The following IL6 variants were observed in gnomAD, a reference collection of about 807,000 sequenced individuals.
The protein encoded by IL6 is interleukin 6, also known as interleukin-6.
Under a neutral mutation model 18.0 loss-of-function variants are expected in IL6, and 5 were observed. That is an observed-to-expected ratio of 0.28 (90% CI 0.15 to 0.58). The LOEUF is 0.58. IL6 is among the 20% of genes least tolerant of loss of function. The probability of loss-of-function intolerance (pLI) is 0.90; values close to 1 mark genes in which losing one functional copy is unlikely to be tolerated. For synonymous variants in IL6, 97 were observed against 95.1 expected (o/e 1.02, Z -0.12); for missense variants, 266 against 251.0 (o/e 1.06, Z -0.40).
At position 22,729,463 on chromosome 7, in the gene IL6, T is replaced by C. The variant is rs773239176; in HGVS notation, c.325-51T>C. 21 of 1,564,172 alleles carry C rather than the reference T, an allele frequency of 1.3e-5. No homozygotes were observed. In the Admixed American group the frequency reaches 3.7e-4, roughly 28 times the overall value. On this transcript the variant is annotated intron_variant, in intron 3 of 4. Coordinates refer to ENST00000258743, the MANE Select transcript of IL6 (RefSeq NM_000600.5). The stretch of plus-strand genomic sequence containing the variant: ...ACTGTGGCAATTTTAACTTTTCAAA[T>C]TGATTCTATCTCCTGGCGATAACCA...
chr7:22,731,063 C>T (rs917618112), intron 4 of IL6, among the ~76,000 whole-genome samples: 3 of 151,872 alleles, frequency 2.0e-5, no homozygotes, highest in African/African-American at 7.3e-5. Flanking sequence ...TGGTAAAACC[C>T]CATCTCTACT....
At chr7:22,731,082 CA>C (rs1246817806) in intron 4 of IL6, among the ~76,000 whole-genome samples, 1 of 151,938 alleles carries the variant, frequency 6.6e-6, no homozygotes, top group Non-Finnish European at 1.5e-5. Context: ...CTTAAAAATA[CA>C]AAAAAGTTAG....
rs1260459397 is a variant in IL6 at position 22,727,475 on chromosome 7, G to A, written c.51G>A (p.Gly17=). The part of the protein sequence containing the change: ...SAFGPVAFSL[G]LLLVLPAAFP... ...TCGGTCCAGTTGCCTTCTCCCTGGGGCTGCTCCTGGTGTTGCCTGCTGCCT... is the reference window on the plus strand; with the variant it reads ...TCGGTCCAGTTGCCTTCTCCCTGGGACTGCTCCTGGTGTTGCCTGCTGCCT... Residue 17 remains glycine (G), a synonymous_variant, in exon 2 of 5, where the codon GGG becomes GGA. Transcript: ENST00000258743. 1 of 1,614,080 alleles carries A rather than the reference G, an allele frequency of 6.2e-7. No homozygotes were observed. Among genetic ancestry groups the A allele is most frequent in the Non-Finnish European group, 8.5e-7 (1 of 1,179,940 alleles).
At position 22,730,080 on chromosome 7, in the gene IL6, C is replaced by G. The variant is rs931715366; in HGVS notation, c.471+420C>G. ...TCTTCTCACTGTGGTTGTTTCAATTCTTTTTCCTACCTTTTACCAGAGAGT... is the reference window on the plus strand; with the variant it reads ...TCTTCTCACTGTGGTTGTTTCAATTGTTTTTCCTACCTTTTACCAGAGAGT... On this transcript the variant is annotated intron_variant, in intron 4 of 4. Coordinates refer to ENST00000258743, the MANE Select transcript of IL6 (RefSeq NM_000600.5). The G allele has an allele frequency of 1.3e-5, 13 of 985,226 alleles. No homozygotes were observed. In the African/African-American group the frequency reaches 2.3e-4, roughly 17 times the overall value. 61.0% of individuals were successfully genotyped at this position (985,226 alleles called of 1,614,324 possible). A position where few individuals can be genotyped will look rare whatever the true frequency, so the allele number is the denominator to read the frequency against.
chr7:22,729,891 C>A, intron 4 of IL6: 1 of 1,432,390 alleles, frequency 7.0e-7, no homozygotes, highest in Non-Finnish European at 9.1e-7. Flanking sequence ...TATATATTAA[C>A]TGAGGTGGAT....
At chr7:22,727,365 C>T (rs1784026518) in intron 1 of IL6, 79 bp from the exon 2 acceptor site, 1 of 1,613,582 alleles carries the variant, frequency 6.2e-7, no homozygotes, top group African/African-American at 1.3e-5. Flanking sequence ...CCAGGGAGGG[C>T]TGGCGGGCGG....
chr7:22,730,048 G>T, intron 4 of IL6: 2 of 985,386 alleles, frequency 2.0e-6, no homozygotes, highest in Non-Finnish European at 2.4e-6. Flanking sequence ...TCATTGCCAA[G>T]TGACATTCTT....
rs1404732668 is a variant in IL6 at position 22,727,621 on chromosome 7, C to A, written c.197C>A (p.Ala66Asp). Reference protein sequence around the residue: ...QIRYILDGISALRKETCNKSN... With the variant: ...QIRYILDGISDLRKETCNKSN... Reference sequence around the variant, plus strand: ...CGGTACATCCTCGACGGCATCTCAGCCCTGAGAAAGGAGGTGGGTAGGCTT... The same window carrying A: ...CGGTACATCCTCGACGGCATCTCAGACCTGAGAAAGGAGGTGGGTAGGCTT... Residue 66 changes from alanine (A) to aspartate (D), a missense_variant, in exon 2 of 5, where the codon GCC becomes GAC. By Grantham distance (126) the Ala-to-Asp change is moderately radical (BLOSUM62 -2). Coordinates refer to ENST00000258743, the MANE Select transcript of IL6 (RefSeq NM_000600.5). 6.5e-7 allele frequency: 1 copy of A among 1,548,378 alleles called. No individual in the cohort carries two copies. Among genetic ancestry groups the A allele is most frequent in the Admixed American group, 2.0e-5 (1 of 50,970 alleles).
chr7:22,727,515 C>G lies in IL6; in HGVS notation c.91C>G (p.Pro31Ala). 9 of 1,613,972 alleles carry G rather than the reference C, an allele frequency of 5.6e-6. No individual in the cohort carries two copies. Among genetic ancestry groups the G allele is most frequent in the Non-Finnish European group, 7.6e-6 (9 of 1,179,946 alleles). ...VLPAAFPAPVPPGEDSKDVAA... is the reference protein window; with the variant it reads ...VLPAAFPAPVAPGEDSKDVAA... ...GCCTGCTGCCTTCCCTGCCCCAGTA[C>G]CCCCAGGAGAAGATTCCAAAGATGT... Residue 31 changes from proline to alanine, a missense_variant, in exon 2 of 5, where the codon CCC becomes GCC. Transcript: ENST00000258743.
intron 4 of IL6, chr7:22,730,300 G>A (rs988322878): frequency 3.2e-5 from 32 of 985,008 alleles, no homozygotes; most frequent in Non-Finnish European, 3.6e-5. Context: ...TTAAGCCAGG[G>A]TTTCTCATAT....
intron 3 of IL6, among the ~76,000 whole-genome samples, chr7:22,729,180 A>G (rs1019172566): frequency 6.6e-6 from 1 of 152,080 alleles, no homozygotes; most frequent in Non-Finnish European, 1.5e-5. Context: ...GATAACCTGC[A>G]CTGTCTTCTG....
intron 2 of IL6, 114 bp downstream of exon 2, chr7:22,727,748 T>A: frequency 1.6e-6 from 2 of 1,245,056 alleles, no homozygotes; most frequent in Non-Finnish European, 2.2e-6. Context: ...TCTAGAGCAC[T>A]GTAGATTTGA....
intron 4 of IL6, among the ~76,000 whole-genome samples, chr7:22,730,503 G>A (rs1300838090): frequency 1.3e-5 from 2 of 152,134 alleles, no homozygotes; most frequent in Non-Finnish European, 1.5e-5. Flanking sequence ...CTATGGAAAG[G>A]TGTTTCCCAG....
chr7:22,728,823 C>T lies in IL6; in HGVS notation c.324+17C>T, dbSNP rs529616314. The T allele has an allele frequency of 4.8e-6, 7 of 1,444,052 alleles. No individual in the cohort carries two copies. The South Asian group carries it at 8.0e-5, about 16-fold the overall frequency. 89.5% of individuals were successfully genotyped at this position (1,444,052 alleles called of 1,614,324 possible). ...TTCAATGAGGTACCAACTTGTCGCA[C>T]TCACTTTTCACTATTCCTTAGGCAA... is the stretch of plus-strand genomic sequence containing the variant. On this transcript the variant is annotated intron_variant, in intron 3 of 4. Coordinates refer to ENST00000258743, the MANE Select transcript of IL6 (RefSeq NM_000600.5).
intron 2 of IL6, chr7:22,728,465 G>A (rs1784057153): frequency 2.0e-6 from 1 of 501,010 alleles, no homozygotes; most frequent in Admixed American, 3.2e-5. Context: ...TTGGAGATAA[G>A]GAAACTGAGA....
chr7:22,728,081 A>G (rs1056056029), intron 2 of IL6, among the ~76,000 whole-genome samples: 1 of 152,140 alleles, frequency 6.6e-6, no homozygotes, highest in Non-Finnish European at 1.5e-5. Context: ...TAAGATTCAT[A>G]CCTCAGAGCC....
chr7:22,730,322 TG>T, intron 4 of IL6: 10 of 979,524 alleles, frequency 1.0e-5, no homozygotes, highest in Non-Finnish European at 1.2e-5. Flanking sequence ...TTAACATGCA[TG>T]GGAATTCCCT....
Position 22,727,516 on chromosome 7 carries a change from C to T in IL6, c.92C>T (p.Pro31Leu). The T allele has an allele frequency of 6.2e-7, 1 of 1,613,972 alleles. No homozygotes were observed. Among genetic ancestry groups the T allele is most frequent in the Non-Finnish European group, 8.5e-7 (1 of 1,179,956 alleles). The change falls in exon 2 of 5, where the codon CCC (proline) becomes CTC (leucine). Residue 31 changes from proline to leucine, a missense_variant. Transcript: ENST00000258743. ...CCTGCTGCCTTCCCTGCCCCAGTAC[C>T]CCCAGGAGAAGATTCCAAAGATGTA... ...VLPAAFPAPV[P>L]PGEDSKDVAA...
At position 22,729,460 on chromosome 7, in the gene IL6, A is replaced by C. The variant is rs1462148632; in HGVS notation, c.325-54A>C. On this transcript the variant is annotated intron_variant, in intron 3 of 4. Coordinates refer to ENST00000258743, the MANE Select transcript of IL6 (RefSeq NM_000600.5). Reference sequence around the variant, plus strand: ...CGAACTGTGGCAATTTTAACTTTTCAAATTGATTCTATCTCCTGGCGATAA... The same window carrying C: ...CGAACTGTGGCAATTTTAACTTTTCCAATTGATTCTATCTCCTGGCGATAA... The C allele has an allele frequency of 1.5e-5, 23 of 1,558,884 alleles. No homozygotes were observed. In the East Asian group the frequency reaches 5.2e-4, roughly 35 times the overall value.
Sources: allele counts gnomAD v4.1 joint callset (sites outside exome capture counted in the v4.1 genomes callset), GRCh38; gene constraint gnomAD v4.1.1; transcripts MANE v1.5; gene names NCBI Gene and HGNC (gene_info 2026-07-23, HGNC 2026-07-21).